FBXO34: variants seen among roughly 807,000 people sequenced by gnomAD.
The protein encoded by FBXO34 is F-box only protein 34.
Under a neutral mutation model 24.5 loss-of-function variants are expected in FBXO34, and 12 were observed. The ratio of observed to expected loss-of-function variants is 0.49; its 90% CI spans 0.31 to 0.79. The LOEUF (loss-of-function observed/expected upper bound fraction) is 0.79. FBXO34 is among the 30% of genes least tolerant of loss of function. The pLI is 0.04. For missense variants in FBXO34, 823 were observed against 857.7 expected (o/e 0.96, Z 0.51); for synonymous variants, 320 against 311.9 (o/e 1.03, Z -0.27).
At chr14:55,442,131 G>A in the FBXO34 span, among the ~76,000 whole-genome samples, 1 of 150,926 alleles carries the variant, frequency 6.6e-6, no homozygotes, top group Non-Finnish European at 1.5e-5. Flanking sequence ...GGTCATGTCT[G>A]TAATCCCAGA....
At chr14:55,325,872 C>T (rs1195859161) in intron 1 of FBXO34, 1 of 152,228 alleles carries the variant, frequency 6.6e-6, no homozygotes, top group East Asian at 1.9e-4. Context: ...TGCTGCTCCT[C>T]CCACCTCGTT....
At chr14:55,436,219 C>G in the FBXO34 span, among the ~76,000 whole-genome samples, 3 of 152,124 alleles carry the variant, frequency 2.0e-5, no homozygotes, top group Non-Finnish European at 4.4e-5. Flanking sequence ...AATCAATTTG[C>G]AAATCAAACT....
chr14:55,437,293 T>C, the FBXO34 span, among the ~76,000 whole-genome samples: 1 of 152,234 alleles, frequency 6.6e-6, no homozygotes, highest in Non-Finnish European at 1.5e-5. Context: ...GCCTGGCCAA[T>C]GTGGTGAAAC....
Position 55,352,319 on chromosome 14 carries a change from T to C in FBXO34, c.1929T>C (p.Asp643=), listed in dbSNP as rs1199415739. The part of the protein sequence containing the change: ...KQCKKKYVKG[D]VSLCRWHPKP... ...GCAAGAAAAAGTATGTGAAAGGGGA[T>C]GTGTCCCTGTGCCGATGGCACCCCA... The change falls in exon 2 of 2, where the codon GAT becomes GAC. Residue 643 remains aspartate, a synonymous_variant. Coordinates refer to ENST00000313833, the MANE Select transcript of FBXO34 (RefSeq NM_017943.4). 2 of 1,614,162 alleles carry C rather than the reference T, an allele frequency of 1.2e-6. No homozygotes were observed. Among genetic ancestry groups the C allele is most frequent in the Non-Finnish European group, 1.7e-6 (2 of 1,179,990 alleles).
At chr14:55,414,278 C>T in the FBXO34 span, 13 of 903,704 alleles carry the variant, frequency 1.4e-5, no homozygotes, top group Admixed American at 1.5e-4. Context: ...AAGTAACGTA[C>T]TTGTAACATC....
At chr14:55,299,494 CAA>C (rs76397638) in intron 1 of FBXO34, among the ~76,000 whole-genome samples, 9 of 148,846 alleles carry the variant, frequency 6.0e-5, no homozygotes, top group African/African-American at 2.0e-4. Flanking sequence ...TTTGCAAATC[CAA>C]AAAAAAAGCA....
At chr14:55,393,411 A>G in the FBXO34 span, among the ~76,000 whole-genome samples, 3 of 152,074 alleles carry the variant, frequency 2.0e-5, no homozygotes, top group Admixed American at 6.6e-5. Context: ...AAAAAGAAAT[A>G]TATGAATAAT....
the FBXO34 span, among the ~76,000 whole-genome samples, chr14:55,409,886 G>A: frequency 6.6e-6 from 1 of 152,222 alleles, no homozygotes; most frequent in Non-Finnish European, 1.5e-5. Context: ...GAGCAAGGAC[G>A]GAAGCAGAGA....
chr14:55,365,160 G>C (rs1366017096), downstream of FBXO34, among the ~76,000 whole-genome samples: 1 of 146,746 alleles, frequency 6.8e-6, no homozygotes, highest in Non-Finnish European at 1.5e-5. Flanking sequence ...GCAGTGAGCC[G>C]AGATCGTGCC....
chr14:55,411,800 C>T, the FBXO34 span: 5 of 1,598,432 alleles, frequency 3.1e-6, no homozygotes, highest in Middle Eastern at 7.3e-4. Flanking sequence ...CGCCCGGGCT[C>T]CCTTCCCACT....
At chr14:55,353,628 A>AT (rs370383928), downstream of FBXO34, 1 of 167,054 alleles carries the variant, frequency 6.0e-6, no homozygotes, top group African/African-American at 2.4e-5. Context: ...TTTTGCAAAG[A>AT]TTTTTTCTCC....
chr14:55,291,315 T>G (rs1881937951), intron 1 of FBXO34, among the ~76,000 whole-genome samples: 1 of 152,156 alleles, frequency 6.6e-6, no homozygotes, highest in Non-Finnish European at 1.5e-5. Flanking sequence ...GTAGAGAAAA[T>G]ACTTCTATGC....
chr14:55,426,643 T>A, the FBXO34 span, among the ~76,000 whole-genome samples: 1 of 150,736 alleles, frequency 6.6e-6, no homozygotes, highest in African/African-American at 2.5e-5. Flanking sequence ...ATGGAGAGGA[T>A]GAGGGGGAGG....
At chr14:55,408,262 G>A in the FBXO34 span, among the ~76,000 whole-genome samples, 1 of 152,086 alleles carries the variant, frequency 6.6e-6, no homozygotes, top group Non-Finnish European at 1.5e-5. Context: ...AGACCAGCCT[G>A]GGCAACATGG....
chr14:55,387,223 CA>C, the FBXO34 span, among the ~76,000 whole-genome samples: 7 of 152,290 alleles, frequency 4.6e-5, no homozygotes, highest in East Asian at 1.3e-3. Flanking sequence ...AGGCCTCCTC[CA>C]AATTGGTACA....
intron 1 of FBXO34, among the ~76,000 whole-genome samples, chr14:55,281,248 G>A (rs1408587467): frequency 2.8e-5 from 3 of 105,704 alleles, no homozygotes; most frequent in East Asian, 5.2e-4. Context: ...AGTGAGACCC[G>A]ACTCCTTAAA....
chr14:55,306,662 G>A (rs1236602491), intron 1 of FBXO34, among the ~76,000 whole-genome samples: 1 of 152,098 alleles, frequency 6.6e-6, no homozygotes, highest in Non-Finnish European at 1.5e-5. Context: ...GCGAAACCCT[G>A]TCTCTACTAA....
At chr14:55,295,387 A>ATTTTTTTTTTTTTTTTTTTTTTTTTTT (rs3051307) in intron 1 of FBXO34, among the ~76,000 whole-genome samples, 2 of 91,410 alleles carry the variant, frequency 2.2e-5, no homozygotes, top group Non-Finnish European at 4.0e-5. Flanking sequence ...ATTCTTTTCT[A>ATTTTTTTTTTTTTTTTTTTTTTTTTTT]TTTTTTTTTT....
At chr14:55,332,595 A>G (rs1019639499) in intron 1 of FBXO34, among the ~76,000 whole-genome samples, 1 of 152,210 alleles carries the variant, frequency 6.6e-6, no homozygotes, top group Non-Finnish European at 1.5e-5. Context: ...GGGAAGTATA[A>G]TACATGATGG....
Sources: gnomAD v4.1 joint callset for allele counts (sites outside exome capture counted in the v4.1 genomes callset) on GRCh38, gnomAD v4.1.1 for gene constraint, MANE v1.5 for transcripts, NCBI Gene and HGNC (gene_info 2026-07-23, HGNC 2026-07-21) for gene names.